The following LRP6 variants were observed in gnomAD, a reference collection of about 807,000 sequenced individuals.
LRP6 encodes the protein LDL receptor related protein 6, also known as low-density lipoprotein receptor-related protein 6.
A neutral mutation model predicts 184.1 loss-of-function variants in LRP6; 43 were observed. That is an observed-to-expected ratio of 0.23 (90% CI 0.18 to 0.30). The LOEUF (loss-of-function observed/expected upper bound fraction) is 0.30, where lower values mean the gene tolerates loss of function less well. LRP6 is among the 10% of genes least tolerant of loss of function. The pLI, the probability that LRP6 is intolerant of heterozygous loss-of-function variation, is 1.00. For synonymous variants in LRP6, 719 were observed against 684.9 expected, an observed-to-expected ratio of 1.05 and a Z score of -0.78; for missense variants, 1,571 against 2,005.3, an observed-to-expected ratio of 0.78 and a Z score of 4.14.
chr12:12,227,080 A>T (rs1347236873), intron 2 of LRP6, among the ~76,000 whole-genome samples: 2 of 152,202 alleles, frequency 1.3e-5, no homozygotes, highest in African/African-American at 4.8e-5. Context: ...GCAGGATTAC[A>T]TCCAACTTAT....
chr12:12,219,251 C>G (rs1459770147), intron 2 of LRP6, among the ~76,000 whole-genome samples: 1 of 152,208 alleles, frequency 6.6e-6, no homozygotes, highest in Non-Finnish European at 1.5e-5. Context: ...GTCGCCCAGG[C>G]TGGAGTGCAG....
intron 16 of LRP6, 129 bp from the exon 17 acceptor site, chr12:12,135,429 TC>T (rs1052281570): frequency 1.4e-5 from 7 of 517,246 alleles, no homozygotes; most frequent in South Asian, 3.4e-5. Context: ...CAGCTTGGAC[TC>T]TTTTTTTTTA....
intron 3 of LRP6, among the ~76,000 whole-genome samples, chr12:12,198,627 G>A (rs902875725): frequency 1.3e-5 from 2 of 148,228 alleles, no homozygotes; most frequent in Non-Finnish European, 3.0e-5. Context: ...TCTGCCTCCC[G>A]GATTCAAGCG....
In LRP6 at chr12:12,121,146, G is replaced by A. The variant is rs1565521308; in HGVS notation, c.4822C>T (p.Pro1608Ser). Residue 1608 changes from proline to serine, a missense_variant, in exon 23 of 23, where the codon CCC (proline) becomes TCC (serine). By Grantham distance (74) the Pro-to-Ser change is moderately conservative. This residue lies in a region of LRP6 where 763 missense variants were observed against 859.5 expected (regional missense o/e 0.89). Transcript: ENST00000261349. ...SHHLYPPPPS[P>S]CTDSS ...CCTCCTCAGGAGGAGTCTGTACAGGGAGAGGGTGGCGGTGGGTAGAGGTGA... is the reference window on the plus strand; with the variant it reads ...CCTCCTCAGGAGGAGTCTGTACAGGAAGAGGGTGGCGGTGGGTAGAGGTGA... 1 of 1,612,848 alleles carries A rather than the reference G, an allele frequency of 6.2e-7. No individual in the cohort carries two copies. The highest frequency in any genetic ancestry group is 1.1e-5 in the South Asian group (1 of 90,954).
At chr12:12,150,706 G>C (rs1950069675) in intron 13 of LRP6, 130 bp downstream of exon 13, 2 of 917,274 alleles carry the variant, frequency 2.2e-6, no homozygotes, top group African/African-American at 3.2e-5. Context: ...AAGCTACTAG[G>C]TCCAGAATTT....
chr12:12,260,450 A>G (rs760950423), intron 1 of LRP6, among the ~76,000 whole-genome samples: 31 of 152,188 alleles, frequency 2.0e-4, no homozygotes, highest in Non-Finnish European at 7.3e-5. Context: ...TTCCATAAGT[A>G]AAAGTATTTT....
intron 2 of LRP6, among the ~76,000 whole-genome samples, chr12:12,229,017 G>GA: frequency 6.6e-6 from 1 of 152,170 alleles, no homozygotes; most frequent in Middle Eastern, 3.4e-3. Context: ...AGTCCTGAGG[G>GA]AAAAAAACAT....
intron 1 of LRP6, among the ~76,000 whole-genome samples, chr12:12,261,112 A>G (rs931906450): frequency 6.6e-6 from 1 of 152,172 alleles, no homozygotes; most frequent in Non-Finnish European, 1.5e-5. Context: ...TAAAGCAAAG[A>G]AAAAAATCTC....
At position 12,158,919 on chromosome 12, in the gene LRP6, A is replaced by G. The variant is rs1862667990; in HGVS notation, c.2701T>C (p.Ser901Pro). ...NECASSNGHC[S>P]HLCLAVPVGG... ...ACTGGCACAGCCAAGCAGAGGTGGGAGCAGTGCCCATTGCTGGAAGCACAT... is the reference window on the plus strand; with the variant it reads ...ACTGGCACAGCCAAGCAGAGGTGGGGGCAGTGCCCATTGCTGGAAGCACAT... Residue 901 changes from serine (S) to proline (P), a missense_variant, in exon 12 of 23, where the codon TCC (serine) becomes CCC (proline). Physicochemically the swap from Ser to Pro is moderately conservative, Grantham distance 74 (BLOSUM62 -1). This residue lies in a region of LRP6 where 158 missense variants were observed against 258.4 expected (regional missense o/e 0.61). Transcript: ENST00000261349. 4 of 1,614,122 alleles carry G rather than the reference A, an allele frequency of 2.5e-6. No homozygotes were observed. Among genetic ancestry groups the G allele is most frequent in the Non-Finnish European group, 3.4e-6 (4 of 1,180,050 alleles).
At chr12:12,209,714 T>A (rs115578004) in intron 2 of LRP6, among the ~76,000 whole-genome samples, 315 of 152,316 alleles carry the variant, frequency 2.1e-3, no homozygotes, top group African/African-American at 7.2e-3. Flanking sequence ...TTATTCAATT[T>A]TCTTAAGGTT....
chr12:12,257,307 G>A (rs1005597303), intron 1 of LRP6, among the ~76,000 whole-genome samples: 12 of 152,204 alleles, frequency 7.9e-5, no homozygotes, highest in Non-Finnish European at 1.2e-4. Context: ...GGCCGGGTGC[G>A]GTGGCTCACG....
At chr12:12,222,956 C>A (rs1864529912) in intron 2 of LRP6, among the ~76,000 whole-genome samples, 1 of 151,848 alleles carries the variant, frequency 6.6e-6, no homozygotes, top group South Asian at 2.1e-4. Context: ...TTCAGAAAAA[C>A]CACCAATTAA....
Position 12,184,074 on chromosome 12 carries a change from G to T in LRP6, c.882C>A (p.Ser294=). 6.2e-7 allele frequency: 1 copy of T among 1,613,610 alleles called. No homozygotes were observed. The highest frequency in any genetic ancestry group is 1.7e-5 in the Admixed American group (1 of 60,014). ...NPCGIDNGGC[S]HLCLMSPVKP... is the part of the protein sequence containing the mutation. ...TGACTGGAGACATCAAACACAAATGGGAACAACCCCCATTGTCAATTCCAC... is the reference window on the plus strand; with the variant it reads ...TGACTGGAGACATCAAACACAAATGTGAACAACCCCCATTGTCAATTCCAC... The change falls in exon 5 of 23, where the codon TCC becomes TCA. Residue 294 remains serine (S), a synonymous_variant. Transcript: ENST00000261349.
intron 2 of LRP6, among the ~76,000 whole-genome samples, chr12:12,241,585 T>G (rs1042705159): frequency 1.3e-5 from 2 of 151,968 alleles, no homozygotes; most frequent in Admixed American, 6.6e-5. Context: ...CTTCTCAAAA[T>G]TAAAAGAAAT....
chr12:12,233,506 T>C (rs574821157), intron 2 of LRP6, among the ~76,000 whole-genome samples: 1 of 152,172 alleles, frequency 6.6e-6, no homozygotes, highest in East Asian at 1.9e-4. Flanking sequence ...ATAAAAAATC[T>C]GGGATATTCT....
intron 2 of LRP6, among the ~76,000 whole-genome samples, chr12:12,231,180 C>CAAAAAA (rs10661340): frequency 0.031 from 727 of 23,564 alleles, 219 homozygotes; most frequent in Admixed American, 0.073. Context: ...GACTCCATCT[C>CAAAAAA]AAAAAAAAAA....
intron 1 of LRP6, among the ~76,000 whole-genome samples, chr12:12,248,250 T>C (rs57456369): frequency 0.018 from 2,790 of 152,242 alleles, 88 homozygotes; most frequent in African/African-American, 0.063. Flanking sequence ...TTACGCCAGG[T>C]TCCTTGCTAT....
intron 1 of LRP6, among the ~76,000 whole-genome samples, chr12:12,261,000 C>T (rs1865600603): frequency 6.6e-6 from 1 of 151,914 alleles, no homozygotes; most frequent in Non-Finnish European, 1.5e-5. Context: ...TTAATATATC[C>T]CTTCCCAGAA....
chr12:12,261,077 T>A (rs1386793561), intron 1 of LRP6, among the ~76,000 whole-genome samples: 1 of 152,140 alleles, frequency 6.6e-6, no homozygotes, highest in South Asian at 2.1e-4. Context: ...AGTAGTTCAG[T>A]ACAGCAAATG....
Sources: gnomAD v4.1 joint callset for allele counts (sites outside exome capture counted in the v4.1 genomes callset) on GRCh38, gnomAD v4.1.1 for gene constraint, gnomAD v4.1.1 regional missense constraint, MANE v1.5 for transcripts, NCBI Gene and HGNC (gene_info 2026-07-23, HGNC 2026-07-21) for gene names.